Variants in ARHGAP6 observed in about 807,000 individuals in gnomAD.
The protein encoded by ARHGAP6 is Rho GTPase activating protein 6.
ARHGAP6 carries 16 observed loss-of-function variants against 55.7 expected under a neutral mutation model. The ratio of observed to expected loss-of-function variants is 0.29; its 90% CI spans 0.19 to 0.44. The LOEUF is 0.44. Among genes scored for constraint, ARHGAP6 ranks in the 20% least tolerant of loss-of-function variants. The probability of loss-of-function intolerance (pLI) is 1.00; values close to 1 mark genes in which losing one functional copy is unlikely to be tolerated. For synonymous variants in ARHGAP6, 382 were observed against 360.9 expected (o/e 1.06, Z -0.66); for missense variants, 698 against 808.9 (o/e 0.86, Z 1.66).
Position 11,329,787 on chromosome X carries a change from A to G in ARHGAP6, c.589-75080T>C, listed in dbSNP as rs189315071. On this transcript the variant is annotated intron_variant, in intron 1 of 12. Coordinates refer to ENST00000337414, the MANE Select transcript of ARHGAP6 (RefSeq NM_013427.3). ...ACTTACACAAACCTACTACACACCTAGGCTAGATGGTACAGCCTATTGCTC... is the reference window on the plus strand; with the variant it reads ...ACTTACACAAACCTACTACACACCTGGGCTAGATGGTACAGCCTATTGCTC... 3.7e-3 allele frequency among the ~76,000 whole-genome samples: 421 copies of G among 112,540 alleles called. 1 individual carries two copies. Among genetic ancestry groups the G allele is most frequent in the South Asian group, 0.011 (31 of 2,709 alleles).
intron 9 of ARHGAP6, among the ~76,000 whole-genome samples, chrX:11,164,972 C>T (rs1486424336): frequency 1.8e-5 from 2 of 111,803 alleles, no homozygotes; most frequent in African/African-American, 6.5e-5. Context: ...TAGGATAATA[C>T]CAATGACTTT....
chrX:11,423,391 T>C (rs761076387), intron 1 of ARHGAP6, among the ~76,000 whole-genome samples: 2 of 112,746 alleles, frequency 1.8e-5, no homozygotes, highest in Non-Finnish European at 3.7e-5. Context: ...CCATTCTATG[T>C]GAAAACAGGT....
At chrX:11,580,281 G>A (rs1278659339) in intron 1 of ARHGAP6, among the ~76,000 whole-genome samples, 2 of 112,222 alleles carry the variant, frequency 1.8e-5, no homozygotes, top group East Asian at 2.8e-4. Flanking sequence ...CACACTGTGA[G>A]GGGAATTAAG....
chrX:11,583,906 A>T (rs1427353251), intron 1 of ARHGAP6, among the ~76,000 whole-genome samples: 1 of 112,345 alleles, frequency 8.9e-6, no homozygotes, highest in African/African-American at 3.2e-5. Context: ...GCTTAAGTTA[A>T]AAAGTGGTCT....
At chrX:11,305,776 A>G (rs980294511) in intron 1 of ARHGAP6, among the ~76,000 whole-genome samples, 1 of 112,032 alleles carries the variant, frequency 8.9e-6, no homozygotes, top group Non-Finnish European at 1.9e-5. Flanking sequence ...CTTAATTCTC[A>G]TGATTTTCAG....
At chrX:11,383,443 C>T (rs1410239019) in intron 1 of ARHGAP6, among the ~76,000 whole-genome samples, 7 of 111,007 alleles carry the variant, frequency 6.3e-5, no homozygotes, top group African/African-American at 2.0e-4. Context: ...TTAAGATATG[C>T]CCCCTTCTCT....
chrX:11,437,043 C>A (rs1367248675), intron 1 of ARHGAP6, among the ~76,000 whole-genome samples: 4 of 109,984 alleles, frequency 3.6e-5, no homozygotes, highest in Non-Finnish European at 7.6e-5. Context: ...GTGAATTTTA[C>A]CTCCATAAAG....
chrX:11,179,888 C>A (rs970454954), intron 6 of ARHGAP6, among the ~76,000 whole-genome samples: 1 of 108,366 alleles, frequency 9.2e-6, no homozygotes, highest in African/African-American at 3.4e-5. Flanking sequence ...AGGTAGAAGA[C>A]AATTTAGGTC....
At chrX:11,543,708 A>G (rs1328482224) in intron 1 of ARHGAP6, among the ~76,000 whole-genome samples, 2 of 112,193 alleles carry the variant, frequency 1.8e-5, no homozygotes, top group African/African-American at 6.5e-5. Context: ...GCCACTAGAC[A>G]AAGCTGAGTT....
chrX:11,473,650 A>C (rs898367358), intron 1 of ARHGAP6, among the ~76,000 whole-genome samples: 8 of 111,776 alleles, frequency 7.2e-5, no homozygotes, highest in African/African-American at 2.6e-4. Flanking sequence ...CACAGGGATC[A>C]TGGCACTGCT....
chrX:11,328,820 A>G (rs2048528765), intron 1 of ARHGAP6, among the ~76,000 whole-genome samples: 1 of 112,118 alleles, frequency 8.9e-6, no homozygotes, highest in African/African-American at 3.2e-5. Flanking sequence ...AAGTTGCTAA[A>G]GGGCACCTGA....
chrX:11,335,615 C>G (rs1249012960), intron 1 of ARHGAP6: 1 of 243,700 alleles, frequency 4.1e-6, no homozygotes, highest in African/African-American at 3.0e-5. Flanking sequence ...TTTATCCAGT[C>G]TATTATTGAT....
At chrX:11,335,836 G>A (rs2048630273) in intron 1 of ARHGAP6, 1 of 242,719 alleles carries the variant, frequency 4.1e-6, no homozygotes, top group Non-Finnish European at 7.6e-6. Context: ...CAGAGGCCAT[G>A]GTGGGGAGGC....
intron 1 of ARHGAP6, among the ~76,000 whole-genome samples, chrX:11,443,427 C>T (rs944207068): frequency 2.7e-5 from 3 of 111,835 alleles, no homozygotes; most frequent in Non-Finnish European, 3.8e-5. Flanking sequence ...TGGAATGGCT[C>T]CATCACAGAG....
At chrX:11,285,618 TC>T (rs1197297201) in intron 1 of ARHGAP6, among the ~76,000 whole-genome samples, 3 of 111,755 alleles carry the variant, frequency 2.7e-5, no homozygotes, top group Non-Finnish European at 5.6e-5. Flanking sequence ...AGAGAACACT[TC>T]CTTTAAACTG....
chrX:11,215,553 C>T (rs1263739225), intron 2 of ARHGAP6, among the ~76,000 whole-genome samples: 1 of 113,032 alleles, frequency 8.8e-6, no homozygotes, highest in African/African-American at 3.2e-5. Flanking sequence ...CCCGATAGCT[C>T]TCCTTTCACA....
At chrX:11,477,344 T>G (rs1174725427) in intron 1 of ARHGAP6, among the ~76,000 whole-genome samples, 1 of 111,760 alleles carries the variant, frequency 8.9e-6, no homozygotes, top group Non-Finnish European at 1.9e-5. Flanking sequence ...GTATGATTAC[T>G]GTATGAATGA....
chrX:11,395,927 C>T (rs753805739), intron 1 of ARHGAP6, among the ~76,000 whole-genome samples: 5 of 111,186 alleles, frequency 4.5e-5, no homozygotes, highest in Non-Finnish European at 9.4e-5. Context: ...AAAACTATGC[C>T]AGTGATATGG....
chrX:11,270,709 G>A (rs779708809), intron 1 of ARHGAP6, among the ~76,000 whole-genome samples: 4 of 111,616 alleles, frequency 3.6e-5, no homozygotes, highest in South Asian at 3.8e-4. Context: ...ACCGGTAAAC[G>A]GAGGCTCTAC....
Sources: allele counts gnomAD v4.1 joint callset (sites outside exome capture counted in the v4.1 genomes callset), GRCh38; gene constraint gnomAD v4.1.1; transcripts MANE v1.5; gene names NCBI Gene and HGNC (gene_info 2026-07-23, HGNC 2026-07-21).